CDH10: variants seen among roughly 807,000 people sequenced by gnomAD.
The protein encoded by CDH10 is cadherin-10.
In CDH10, 30 loss-of-function variants were observed where a neutral mutation model predicts 73.1. The ratio of observed to expected loss-of-function variants is 0.41; its 90% CI spans 0.31 to 0.56. The LOEUF is 0.56. Ranked by LOEUF, CDH10 falls within the 20% of genes least tolerant of loss-of-function variation. CDH10 has a pLI of 0.27. For synonymous variants in CDH10, 345 were observed against 348.2 expected, an observed-to-expected ratio of 0.99 and a Z score of 0.10; for missense variants, 815 against 973.7, an observed-to-expected ratio of 0.84 and a Z score of 2.17.
chr5:24,640,031 A>G (rs1161509852), intron 1 of CDH10, among the ~76,000 whole-genome samples: 1 of 151,802 alleles, frequency 6.6e-6, no homozygotes, highest in Non-Finnish European at 1.5e-5. Context: ...TTTCATTTAA[A>G]AGAATAGATT....
intron 5 of CDH10, among the ~76,000 whole-genome samples, chr5:24,523,081 A>G (rs781153783): frequency 1.3e-5 from 2 of 151,856 alleles, no homozygotes; most frequent in Non-Finnish European, 2.9e-5. Context: ...CTAATACAGA[A>G]AACGGGGATG....
intron 1 of CDH10, among the ~76,000 whole-genome samples, chr5:24,640,714 A>T (rs1029461891): frequency 5.9e-5 from 9 of 151,902 alleles, no homozygotes; most frequent in Non-Finnish European, 1.2e-4. Context: ...ATTTCCTAAA[A>T]TGATGTAAAA....
intron 1 of CDH10, among the ~76,000 whole-genome samples, chr5:24,596,787 G>A (rs1746386524): frequency 6.6e-6 from 1 of 151,672 alleles, no homozygotes; most frequent in Non-Finnish European, 1.5e-5. Flanking sequence ...AGTAAAAAGT[G>A]GTATATACAG....
intron 2 of CDH10, among the ~76,000 whole-genome samples, chr5:24,574,178 G>A (rs1462313431): frequency 6.6e-6 from 1 of 151,982 alleles, no homozygotes; most frequent in African/African-American, 2.4e-5. Flanking sequence ...GAGCCACTGC[G>A]CCCGGCCTAT....
At chr5:24,512,712 T>A (rs575137412) in intron 5 of CDH10, among the ~76,000 whole-genome samples, 32 of 152,184 alleles carry the variant, frequency 2.1e-4, no homozygotes, top group Non-Finnish European at 4.1e-4. Context: ...ATGAGATTTA[T>A]GTTTCAGCAC....
chr5:24,490,286 A>T (rs1742002818), intron 11 of CDH10, among the ~76,000 whole-genome samples: 2 of 152,068 alleles, frequency 1.3e-5, no homozygotes, highest in South Asian at 4.1e-4. Context: ...ACTTTTCCTC[A>T]ATGTTTGTTG....
At position 24,511,311 on chromosome 5, in the gene CDH10, T is replaced by C. The variant is rs747385391; in HGVS notation, c.1002+16A>G. 14 of 1,542,938 alleles carry C rather than the reference T, an allele frequency of 9.1e-6. No individual in the cohort carries two copies. The Admixed American group carries it at 1.0e-4, about 11-fold the overall frequency. ...CCTGAAACACACAGATGCTTATTTA[T>C]ATGGATGCTGTGCACCTTTTTCACA... On this transcript the variant is annotated intron_variant, in intron 6 of 11. Coordinates refer to ENST00000264463, the MANE Select transcript of CDH10 (RefSeq NM_006727.5).
At chr5:24,603,167 CTCTGTATAACTACTGGTGTCAG>C (rs1746627894) in intron 1 of CDH10, among the ~76,000 whole-genome samples, 1 of 152,100 alleles carries the variant, frequency 6.6e-6, no homozygotes, top group South Asian at 2.1e-4. Flanking sequence ...AAGTACAAGT[CTCTGTATAACTACTGGTGTCAG>C]TTTCTGCCTT....
At chr5:24,529,140 G>A (rs139577486) in intron 5 of CDH10, among the ~76,000 whole-genome samples, 303 of 151,996 alleles carry the variant, frequency 2.0e-3, no homozygotes, top group Middle Eastern at 0.01. Context: ...CACTGTTGCT[G>A]TTTTATTTAC....
At chr5:24,489,017 T>C (rs2111619794) in intron 11 of CDH10, among the ~76,000 whole-genome samples, 1 of 152,206 alleles carries the variant, frequency 6.6e-6, no homozygotes, top group East Asian at 1.9e-4. Flanking sequence ...TATCAAATTC[T>C]TCTGATTGCA....
intron 6 of CDH10, among the ~76,000 whole-genome samples, chr5:24,510,135 T>A (rs1334429418): frequency 6.6e-6 from 1 of 152,184 alleles, no homozygotes; most frequent in Non-Finnish European, 1.5e-5. Flanking sequence ...ATGTTGCATG[T>A]GTTTGCGTGT....
chr5:24,536,548 C>G (rs1743960319), intron 3 of CDH10, among the ~76,000 whole-genome samples: 1 of 151,874 alleles, frequency 6.6e-6, no homozygotes, highest in African/African-American at 2.4e-5. Flanking sequence ...ATTCTCTTAC[C>G]AAATCCAAAA....
chr5:24,535,080 GC>G (rs747452962), intron 5 of CDH10, 31 bp downstream of exon 5: 1 of 1,490,420 alleles, frequency 6.7e-7, no homozygotes, highest in South Asian at 1.4e-5. Context: ...TAAATCTTTT[GC>G]CCGGCAGAAT....
At chr5:24,604,884 A>AAC (rs1746699253) in intron 1 of CDH10, among the ~76,000 whole-genome samples, 4 of 148,066 alleles carry the variant, frequency 2.7e-5, no homozygotes, top group African/African-American at 1.0e-4. Flanking sequence ...AAAAAAAAAA[A>AAC]AAAAAAAAAA....
intron 2 of CDH10, among the ~76,000 whole-genome samples, chr5:24,571,981 A>G (rs967122541): frequency 6.6e-6 from 1 of 152,124 alleles, no homozygotes; most frequent in Non-Finnish European, 1.5e-5. Flanking sequence ...AATAAAAAAA[A>G]AAAATCGACA....
chr5:24,616,141 A>T (rs1237925411), intron 1 of CDH10, among the ~76,000 whole-genome samples: 2 of 151,858 alleles, frequency 1.3e-5, no homozygotes, highest in Non-Finnish European at 2.9e-5. Context: ...AAAAAGAAAG[A>T]GGAAGGTGTA....
intron 8 of CDH10, among the ~76,000 whole-genome samples, chr5:24,500,207 T>C (rs1361497820): frequency 6.6e-6 from 1 of 152,200 alleles, no homozygotes; most frequent in African/African-American, 2.4e-5. Flanking sequence ...TATCCCCTTG[T>C]TCTCTCCATA....
chr5:24,505,327 C>A (rs2111729051), intron 7 of CDH10, 79 bp from the exon 8 acceptor site: 1 of 1,046,592 alleles, frequency 9.6e-7, no homozygotes, highest in Admixed American at 1.8e-5. Context: ...TGCAAACCCA[C>A]ACATATCACT....
At chr5:24,630,172 G>C (rs1002924559) in intron 1 of CDH10, among the ~76,000 whole-genome samples, 2 of 152,088 alleles carry the variant, frequency 1.3e-5, no homozygotes, top group African/African-American at 4.8e-5. Context: ...AGCAGATGAT[G>C]ATCGACAGTA....
Sources: allele counts gnomAD v4.1 joint callset (sites outside exome capture counted in the v4.1 genomes callset), GRCh38; gene constraint gnomAD v4.1.1; transcripts MANE v1.5; gene names NCBI Gene and HGNC (gene_info 2026-07-23, HGNC 2026-07-21).